AATK: variants seen among roughly 807,000 people sequenced by gnomAD.
AATK encodes serine/threonine-protein kinase LMTK1.
A neutral mutation model predicts 114.3 loss-of-function variants in AATK; 91 were observed. The ratio of observed to expected loss-of-function variants is 0.80; its 90% CI spans 0.67 to 0.95. The LOEUF is 0.95. AATK is among the 40% of genes least tolerant of loss of function. AATK has a pLI of 0.00. For synonymous variants in AATK, 1,075 were observed against 916.5 expected, an observed-to-expected ratio of 1.17 and a Z score of -3.12; for missense variants, 2,176 against 1,965.2, an observed-to-expected ratio of 1.11 and a Z score of -2.03.
At chr17:81,124,684 ACTCGGC>A in intron 9 of AATK, 37 bp downstream of exon 9, 1 of 1,599,806 alleles carries the variant, frequency 6.3e-7, no homozygotes, top group Non-Finnish European at 8.5e-7. Flanking sequence ...GGCAGGTGGC[ACTCGGC>A]CTCGGCCCCT....
At chr17:81,138,189 G>GCA (rs372977695) in intron 1 of AATK, among the ~76,000 whole-genome samples, 235 of 140,664 alleles carry the variant, frequency 1.7e-3, no homozygotes, top group Non-Finnish European at 1.9e-3. Flanking sequence ...ACACATGCGT[G>GCA]CACACACACA....
At position 81,165,461 on chromosome 17, in the gene AATK, C is replaced by G. The variant is rs75091821; in HGVS notation, c.55+477G>C. 2,140 of 383,888 alleles carry G rather than the reference C, an allele frequency of 5.6e-3. 12 individuals carry two copies. Among genetic ancestry groups the G allele is most frequent in the Middle Eastern group, 7.5e-3 (11 of 1,474 alleles). 23.8% of individuals were successfully genotyped at this position (383,888 alleles called of 1,614,324 possible). A position where few individuals can be genotyped will look rare whatever the true frequency, so the allele number is the denominator to read the frequency against. ...TCTGTAATGTGGACTGGCCCCTGCT[C>G]CCCCCACATCCCCCGCCGGCTGCTG... On this transcript the variant is annotated intron_variant, in intron 1 of 13. Coordinates refer to ENST00000326724, the MANE Select transcript of AATK (RefSeq NM_001080395.3).
chr17:81,143,866 C>T (rs552581553), intron 1 of AATK, among the ~76,000 whole-genome samples: 9 of 152,338 alleles, frequency 5.9e-5, no homozygotes, highest in Middle Eastern at 6.8e-3. Flanking sequence ...ATGCATGCCC[C>T]GTGGGTGCGG....
Position 81,119,919 on chromosome 17 carries a change from G to A in AATK, c.3883+17C>T. The A allele has an allele frequency of 7.0e-7, 1 of 1,423,646 alleles. No homozygotes were observed. The highest frequency in any genetic ancestry group is 9.2e-7 in the Non-Finnish European group (1 of 1,091,250). The allele number at this position is 1,423,646 out of a possible 1,614,324, so 88.2% of individuals were successfully genotyped here. On this transcript the variant is annotated intron_variant, in intron 12 of 13. Coordinates refer to ENST00000326724, the MANE Select transcript of AATK (RefSeq NM_001080395.3). ...TGCCTCCCGTGACGTCACGGGCCCA[G>A]CCCCGCCCCTGCTCACCCTCTTCCG...
At position 81,122,354 on chromosome 17, in the gene AATK, T is replaced by C; in HGVS notation, c.1582A>G (p.Ser528Gly). The C allele has an allele frequency of 6.6e-7, 1 of 1,509,916 alleles. No homozygotes were observed. Among genetic ancestry groups the C allele is most frequent in the Non-Finnish European group, 8.8e-7 (1 of 1,133,470 alleles). The allele number at this position is 1,509,916 out of a possible 1,614,324, so 93.5% of individuals were successfully genotyped here. A position where few individuals can be genotyped will look rare whatever the true frequency, so the allele number is the denominator to read the frequency against. The change falls in exon 11 of 14, where the codon AGC becomes GGC. Residue 528 changes from serine to glycine, a missense_variant. Coordinates refer to ENST00000326724, the MANE Select transcript of AATK (RefSeq NM_001080395.3). ...TCCTCTAGGCGGATGAAGTACTCGC[T>C]GCCCAGCGACGGGCTGTGCGCGCTG... Reference protein sequence around the residue: ...VLSAHSPSLGSEYFIRLEEAA... With the variant: ...VLSAHSPSLGGEYFIRLEEAA...
intron 9 of AATK, among the ~76,000 whole-genome samples, chr17:81,123,978 C>G (rs1270070352): frequency 6.6e-6 from 1 of 152,172 alleles, no homozygotes; most frequent in Non-Finnish European, 1.5e-5. Context: ...CTGGAGACCC[C>G]AGCCAGCGTG....
At chr17:81,145,830 G>A (rs9898259) in intron 1 of AATK, among the ~76,000 whole-genome samples, 1 of 151,058 alleles carries the variant, frequency 6.6e-6, no homozygotes, top group Non-Finnish European at 1.5e-5. Context: ...ATATGTCGAA[G>A]AGCTGATGTC....
chr17:81,119,721 GC>G, intron 12 of AATK, 141 bp from the exon 13 acceptor site: 1 of 999,602 alleles, frequency 1.0e-6, no homozygotes, highest in Non-Finnish European at 1.3e-6. Context: ...ACGGGCCCAG[GC>G]CCCGCCTCCC....
intron 1 of AATK, among the ~76,000 whole-genome samples, chr17:81,142,780 C>T (rs983873753): frequency 1.3e-5 from 2 of 152,146 alleles, no homozygotes; most frequent in African/African-American, 2.4e-5. Flanking sequence ...GCCCCACCCC[C>T]GCCCCAGCCA....
At position 81,121,847 on chromosome 17, in the gene AATK, C is replaced by A. The variant is rs745474725; in HGVS notation, c.2089G>T (p.Asp697Tyr). The A allele has an allele frequency of 6.3e-7, 1 of 1,596,094 alleles. No homozygotes were observed. The highest frequency in any genetic ancestry group is 1.7e-5 in the Admixed American group (1 of 59,638). The change falls in exon 11 of 14, where the codon GAC becomes TAC. Residue 697 changes from aspartate to tyrosine, a missense_variant. By Grantham distance (160) the Asp-to-Tyr change is radical. Transcript: ENST00000326724. ...NSGSRCPESW[D>Y]PVSAGGHAEG... ...GCGTGGCCGCCCGCAGAGACGGGGT[C>A]CCAGGACTCTGGACAGCGGCTGCCG...
chr17:81,142,258 C>T (rs117260065), intron 1 of AATK, among the ~76,000 whole-genome samples: 1 of 149,590 alleles, frequency 6.7e-6, no homozygotes, highest in Non-Finnish European at 1.5e-5. Flanking sequence ...CAGGCCCGCT[C>T]TTTTTTTTCT....
chr17:81,138,800 C>CA (rs1567818329), intron 1 of AATK, among the ~76,000 whole-genome samples: 26 of 148,298 alleles, frequency 1.8e-4, no homozygotes, highest in African/African-American at 5.7e-4. Flanking sequence ...CACACAATAC[C>CA]CACTTGCGCG....
At position 81,122,124 on chromosome 17, in the gene AATK, G is replaced by A; in HGVS notation, c.1812C>T (p.Leu604=). Reference sequence around the variant, plus strand: ...AGGGCGAGGGAGAGCGTGAGGGGCAGAGCGGGTCCCGCGCCAAGCTTCTGC... The same window carrying A: ...AGGGCGAGGGAGAGCGTGAGGGGCAAAGCGGGTCCCGCGCCAAGCTTCTGC... ...YPRRSLARDP[L]CPSRSPSPSA... The change falls in exon 11 of 14, where the codon CTC becomes CTT. Residue 604 remains leucine, a synonymous_variant. Coordinates refer to ENST00000326724, the MANE Select transcript of AATK (RefSeq NM_001080395.3). 6.5e-7 allele frequency: 1 copy of A among 1,545,514 alleles called. No homozygotes were observed. Among genetic ancestry groups the A allele is most frequent in the Non-Finnish European group, 8.7e-7 (1 of 1,148,790 alleles).
At chr17:81,132,626 C>A in intron 2 of AATK, 1 of 270,798 alleles carries the variant, frequency 3.7e-6, no homozygotes, top group South Asian at 2.9e-5. Context: ...CTGTCTCTCC[C>A]TGGGGTCGGG....
In AATK at chr17:81,126,504, G is replaced by A. The variant is rs985999366; in HGVS notation, c.678C>T (p.Asp226=). 5.2e-6 allele frequency: 8 copies of A among 1,551,324 alleles called. No homozygotes were observed. Among genetic ancestry groups the A allele is most frequent in the East Asian group, 2.4e-5 (1 of 40,976 alleles). Residue 226 remains aspartate, a synonymous_variant, in exon 7 of 14, where the codon GAC becomes GAT. Transcript: ENST00000326724. The surrounding 1 kb of genome is among the most constrained non-coding windows in gnomAD (Gnocchi z 5.1). ...AGGCCATGCGCTGCAGGGTCCGGGG[G>A]TCGGGAGCCATGGACTCCGCCACCC... ...SCRVAESMAP[D]PRTLQRMACE... is the part of the protein sequence containing the mutation.
At chr17:81,123,443 C>T (rs557738374) in intron 9 of AATK, 100 bp from the exon 10 acceptor site, 14 of 1,124,564 alleles carry the variant, frequency 1.2e-5, no homozygotes, top group Admixed American at 4.2e-5. Flanking sequence ...CCCGCCATCA[C>T]GCCAGTGCCT....
At chr17:81,156,966 G>T (rs1481999212) in intron 1 of AATK, among the ~76,000 whole-genome samples, 1 of 152,148 alleles carries the variant, frequency 6.6e-6, no homozygotes, top group Non-Finnish European at 1.5e-5. Flanking sequence ...CCCGACACAG[G>T]GGAGAGAGGG....
At chr17:81,140,674 ACCATGGGGCCGTGGGGCCGT>A (rs2061111165) in intron 1 of AATK, among the ~76,000 whole-genome samples, 1 of 76,652 alleles carries the variant, frequency 1.3e-5, no homozygotes. Context: ...GGCCGTGGGG[ACCATGGGGCCGTGGGGCCGT>A]TGAGCTGTGG....
In AATK at chr17:81,126,570, G is replaced by A; in HGVS notation, c.622-10C>T. The A allele has an allele frequency of 6.5e-7, 1 of 1,535,448 alleles. No individual in the cohort carries two copies. Among genetic ancestry groups the A allele is most frequent in the Non-Finnish European group, 8.8e-7 (1 of 1,135,270 alleles). ...AGCCCTTGAGGTCCCCCTGCAGAAA[G>A]GGGGTGTGGCGCAGTCACCAGCAGG... On this transcript the variant is annotated splice_polypyrimidine_tract_variant and intron_variant, in intron 6 of 13. Transcript: ENST00000326724. This position sits in a 1 kb window ranked among gnomAD's most constrained non-coding sequence, Gnocchi z 5.1.
Sources: gnomAD v4.1 joint callset for allele counts (sites outside exome capture counted in the v4.1 genomes callset) on GRCh38, gnomAD v4.1.1 for gene constraint, Gnocchi (gnomAD v3.1) non-coding constraint, MANE v1.5 for transcripts, NCBI Gene and HGNC (gene_info 2026-07-23, HGNC 2026-07-21) for gene names.